RAB39A: variants seen among roughly 807,000 people sequenced by gnomAD.
RAB39A encodes the protein ras-related protein Rab-39A.
In RAB39A, 17 loss-of-function variants were observed where a neutral mutation model predicts 20.9. The observed-to-expected ratio is 0.81, with a 90% CI of 0.56 to 1.22. The LOEUF (loss-of-function observed/expected upper bound fraction) is 1.22, where lower values mean the gene tolerates loss of function less well. RAB39A is among the 50% of genes most tolerant of loss of function. The pLI, the probability that RAB39A is intolerant of heterozygous loss-of-function variation, is 0.00. For synonymous variants in RAB39A, 99 were observed against 103.4 expected (o/e 0.96, Z 0.26); for missense variants, 234 against 270.5 (o/e 0.87, Z 0.95).
chr11:107,946,061 A>T (rs982024790), intron 1 of RAB39A, among the ~76,000 whole-genome samples: 3 of 151,990 alleles, frequency 2.0e-5, no homozygotes, highest in African/African-American at 7.2e-5. Flanking sequence ...TTGCTGAATT[A>T]AATGGTCCAG....
chr11:107,937,213 G>A (rs1016286653), intron 1 of RAB39A, among the ~76,000 whole-genome samples: 1 of 151,910 alleles, frequency 6.6e-6, no homozygotes, highest in Non-Finnish European at 1.5e-5. Flanking sequence ...ATAGCTCACT[G>A]CAGCCCAAAC....
chr11:107,952,535 C>T (rs112009897), intron 1 of RAB39A, among the ~76,000 whole-genome samples: 9,903 of 151,660 alleles, frequency 0.065, 342 homozygotes, highest in African/African-American at 0.094. Flanking sequence ...AAGCCGAGAC[C>T]GTGCCATTGT....
intron 1 of RAB39A, among the ~76,000 whole-genome samples, chr11:107,941,650 G>A (rs1369997318): frequency 2.0e-5 from 3 of 152,092 alleles, no homozygotes; most frequent in Admixed American, 6.6e-5. Context: ...AAAGCCTTCC[G>A]ATGAGAATCA....
At chr11:107,947,939 T>A (rs1433860379) in intron 1 of RAB39A, among the ~76,000 whole-genome samples, 2 of 151,760 alleles carry the variant, frequency 1.3e-5, no homozygotes, top group African/African-American at 4.8e-5. Context: ...TAGCTTTTTT[T>A]AAGGAAGCTA....
At chr11:107,960,323 A>T (rs2134976334) in intron 1 of RAB39A, among the ~76,000 whole-genome samples, 1 of 152,360 alleles carries the variant, frequency 6.6e-6, no homozygotes, top group Admixed American at 6.5e-5. Context: ...AATTAAGATA[A>T]TCATAATGGC....
rs945586632 is a variant in RAB39A, at chr11:107,956,834, T to C, written c.228-5112T>C. On this transcript the variant is annotated intron_variant, in intron 1 of 1. Transcript: ENST00000320578. ...TGAATATGACAGAGGGAAAGAGGCT[T>C]GGAAATTGAGATATTTCCAAGAGAA... Among the ~76,000 whole-genome samples the C allele has an allele frequency of 7.2e-5, 11 of 152,008 alleles. 1 individual carries two copies. Among genetic ancestry groups the C allele is most frequent in the Admixed American group, 3.9e-4 (6 of 15,262 alleles).
intron 1 of RAB39A, among the ~76,000 whole-genome samples, chr11:107,939,609 C>G (rs573640781): frequency 4.4e-5 from 5 of 114,390 alleles, no homozygotes; most frequent in Non-Finnish European, 8.9e-5. Flanking sequence ...GACTCCATCT[C>G]AAAGAAAAAA....
At chr11:107,935,900 CT>C (rs561399074) in intron 1 of RAB39A, among the ~76,000 whole-genome samples, 83 of 81,566 alleles carry the variant, frequency 1.0e-3, no homozygotes, top group Non-Finnish European at 1.5e-3. Flanking sequence ...GTCCTGGCCA[CT>C]TTTTTTTTTT....
intron 1 of RAB39A, among the ~76,000 whole-genome samples, chr11:107,952,742 G>C (rs1861394290): frequency 1.3e-5 from 2 of 152,096 alleles, no homozygotes; most frequent in Non-Finnish European, 2.9e-5. Flanking sequence ...AATTAGCTGG[G>C]CGTGGTGGCA....
Position 107,928,794 on chromosome 11 carries a change from A to C in RAB39A, c.226A>C (p.Arg76=), listed in dbSNP as rs144881387. The change falls in exon 1 of 2, where the codon AGA becomes CGA. Residue 76 remains arginine, a splice_region_variant and synonymous_variant. Transcript: ENST00000320578. This position sits in a 1 kb window ranked among gnomAD's most constrained non-coding sequence, Gnocchi z 4.9. ...GGACACGGCGGGACAGGAGCGGTTC[A>C]GGTAGGGACCCCGGGGACCTTGGGC... ...LWDTAGQERF[R]SITRSYYRNS... 6.5e-7 allele frequency: 1 copy of C among 1,544,124 alleles called. No homozygotes were observed. The highest frequency in any genetic ancestry group is 8.8e-7 in the Non-Finnish European group (1 of 1,136,916).
chr11:107,959,225 G>A (rs1175699962), intron 1 of RAB39A, among the ~76,000 whole-genome samples: 2 of 152,252 alleles, frequency 1.3e-5, no homozygotes, highest in South Asian at 2.1e-4. Flanking sequence ...GCCACAAAAG[G>A]CATTTTTAAA....
chr11:107,929,052 G>C (rs915287947), intron 1 of RAB39A, among the ~76,000 whole-genome samples: 1 of 151,392 alleles, frequency 6.6e-6, no homozygotes, highest in African/African-American at 2.4e-5. Flanking sequence ...GCCTGAACCG[G>C]GGTCGTCCTC....
At chr11:107,930,832 G>A (rs1001410893) in intron 1 of RAB39A, among the ~76,000 whole-genome samples, 2 of 150,776 alleles carry the variant, frequency 1.3e-5, no homozygotes, top group Non-Finnish European at 3.0e-5. Flanking sequence ...CTCCAGCCTG[G>A]GTGACAGAGC....
At chr11:107,956,803 C>T (rs1861441634) in intron 1 of RAB39A, among the ~76,000 whole-genome samples, 2 of 152,046 alleles carry the variant, frequency 1.3e-5, no homozygotes, top group South Asian at 4.1e-4. Context: ...ATAGAAGTTT[C>T]CCAGATGAAT....
chr11:107,929,691 C>T (rs908823397), intron 1 of RAB39A, among the ~76,000 whole-genome samples: 4 of 152,076 alleles, frequency 2.6e-5, no homozygotes, highest in African/African-American at 4.8e-5. Context: ...CCGCTGGGGA[C>T]ATGAAGGGTT....
Position 107,962,304 on chromosome 11 carries a change from G to A in RAB39A, c.586G>A (p.Gly196Ser). The change falls in exon 2 of 2, where the codon GGT becomes AGT. Residue 196 changes from glycine (G) to serine (S), a missense_variant. By Grantham distance (56) the Gly-to-Ser change is moderately conservative. Coordinates refer to ENST00000320578, the MANE Select transcript of RAB39A (RefSeq NM_017516.3). The stretch of plus-strand genomic sequence containing the variant: ...GGATGGCTGGGAAGGGGTTAAAAGT[G>A]GTTTTGTTCCAAATACTGTGCATTC... ...IQDGWEGVKS[G>S]FVPNTVHSSE... 1 of 1,613,740 alleles carries A rather than the reference G, an allele frequency of 6.2e-7. No homozygotes were observed. Among genetic ancestry groups the A allele is most frequent in the Non-Finnish European group, 8.5e-7 (1 of 1,179,872 alleles).
At chr11:107,957,027 G>A (rs1861444064) in intron 1 of RAB39A, among the ~76,000 whole-genome samples, 1 of 152,142 alleles carries the variant, frequency 6.6e-6, no homozygotes, top group African/African-American at 2.4e-5. Flanking sequence ...GTGAGGTTTT[G>A]ATATTTTTAG....
intron 1 of RAB39A, among the ~76,000 whole-genome samples, chr11:107,941,503 A>G (rs1861258379): frequency 6.6e-6 from 1 of 152,168 alleles, no homozygotes; most frequent in African/African-American, 2.4e-5. Context: ...TTTTAGGTAA[A>G]GATCTAATAG....
rs755856456 is a variant in RAB39A at position 107,962,013 on chromosome 11, C to T, written c.295C>T (p.Arg99Ter). 6.2e-6 allele frequency: 10 copies of T among 1,613,778 alleles called. No individual in the cohort carries two copies. The highest frequency in any genetic ancestry group is 4.5e-5 in the East Asian group (2 of 44,866). ...GFLVFDITNR[R>*]SFEHVKDWLE... ...TTTAGTATTTGACATTACTAACCGA[C>T]GATCTTTTGAACATGTGAAAGATTG... Residue 99 changes from arginine (R) to a stop codon, truncating the protein, a stop_gained, in exon 2 of 2, where the codon CGA becomes TGA. Coordinates refer to ENST00000320578, the MANE Select transcript of RAB39A (RefSeq NM_017516.3). LOFTEE classifies it high-confidence loss of function.
Sources: allele counts gnomAD v4.1 joint callset (sites outside exome capture counted in the v4.1 genomes callset), GRCh38; gene constraint gnomAD v4.1.1; non-coding constraint Gnocchi (gnomAD v3.1); transcripts MANE v1.5; gene names NCBI Gene and HGNC (gene_info 2026-07-23, HGNC 2026-07-21).